The following HLCS variants were observed in gnomAD, a reference collection of about 807,000 sequenced individuals.
HLCS encodes the protein biotin--protein ligase.
A neutral mutation model predicts 75.0 loss-of-function variants in HLCS; 53 were observed. That is an observed-to-expected ratio of 0.71 (90% CI 0.57 to 0.89). HLCS has a LOEUF of 0.89. Ranked by LOEUF, HLCS falls within the 40% of genes least tolerant of loss-of-function variation. The pLI is 0.00. For missense variants in HLCS, 966 were observed against 1,074.0 expected (o/e 0.90, Z 1.41); for synonymous variants, 431 against 428.6 (o/e 1.01, Z -0.07).
chr21:36,834,898 AT>A (rs1569077622), intron 6 of HLCS, among the ~76,000 whole-genome samples: 1 of 152,226 alleles, frequency 6.6e-6, no homozygotes, highest in South Asian at 2.1e-4. Context: ...TCAAAAATAC[AT>A]TTTTAGGCTG....
intron 6 of HLCS, among the ~76,000 whole-genome samples, chr21:36,864,761 G>A (rs2063499771): frequency 6.6e-6 from 1 of 152,076 alleles, no homozygotes; most frequent in South Asian, 2.1e-4. Context: ...TTCTATAGAT[G>A]AATATTACTT....
chr21:36,813,390 G>C lies in HLCS; in HGVS notation c.1893-46105C>G, dbSNP rs1438730577. On this transcript the variant is annotated intron_variant, in intron 6 of 10. Coordinates refer to ENST00000674895, the MANE Select transcript of HLCS (RefSeq NM_001352514.2). ...CAGGTCAGTATGCCAATAGCAAGAA[G>C]ACTTGTTCTTGAAAGGTTGAGTTTT... 3.3e-5 allele frequency among the ~76,000 whole-genome samples: 5 copies of C among 152,308 alleles called. No homozygotes were observed. In the South Asian group the frequency reaches 8.3e-4, roughly 25 times the overall value.
intron 2 of HLCS, among the ~76,000 whole-genome samples, chr21:36,960,816 G>A (rs945650261): frequency 6.6e-6 from 1 of 152,194 alleles, no homozygotes; most frequent in Admixed American, 6.5e-5. Context: ...CAGACCTCCA[G>A]GAGCCTCAGG....
chr21:36,851,261 A>G (rs1000998838), intron 6 of HLCS, among the ~76,000 whole-genome samples: 2 of 152,226 alleles, frequency 1.3e-5, no homozygotes, highest in Non-Finnish European at 2.9e-5. Flanking sequence ...ACAGTAGCCA[A>G]GACCTGGGAG....
chr21:36,898,170 G>A (rs1007810507), intron 5 of HLCS, among the ~76,000 whole-genome samples: 2 of 152,116 alleles, frequency 1.3e-5, no homozygotes, highest in African/African-American at 2.4e-5. Context: ...TCAGGTCCGC[G>A]CGCAGTGGTT....
intron 6 of HLCS, among the ~76,000 whole-genome samples, chr21:36,833,872 T>C (rs2146061858): frequency 6.6e-6 from 1 of 151,970 alleles, no homozygotes; most frequent in East Asian, 1.9e-4. Context: ...TGGACGTGAG[T>C]TTTGGGAAGA....
Position 36,986,330 on chromosome 21 carries a change from T to C in HLCS, c.-393+3828A>G, listed in dbSNP as rs193287796. Among the ~76,000 whole-genome samples the C allele has an allele frequency of 1.6e-4, 25 of 152,372 alleles. No homozygotes were observed. In the East Asian group the frequency reaches 4.8e-3, roughly 29 times the overall value. ...ATAAATTACCCAGTCTCAGGTATTCTGTTACGGAAGCATAAAACAGACCAA... is the reference window on the plus strand; with the variant it reads ...ATAAATTACCCAGTCTCAGGTATTCCGTTACGGAAGCATAAAACAGACCAA... On this transcript the variant is annotated intron_variant, in intron 1 of 11. Coordinates refer to the HLCS transcript ENST00000336648.
chr21:36,826,136 A>C (rs933774996), intron 6 of HLCS, among the ~76,000 whole-genome samples: 26 of 152,200 alleles, frequency 1.7e-4, no homozygotes, highest in Admixed American at 1.1e-3. Context: ...CAAAATCCTC[A>C]ATTTTGTATT....
chr21:36,986,440 G>A (rs2069230968), intron 1 of HLCS, among the ~76,000 whole-genome samples: 1 of 152,200 alleles, frequency 6.6e-6, no homozygotes, highest in Non-Finnish European at 1.5e-5. Flanking sequence ...TGGTTTTTGA[G>A]ATGGAGTTTC....
At chr21:36,811,130 T>A (rs1569043106) in intron 6 of HLCS, among the ~76,000 whole-genome samples, 1 of 152,228 alleles carries the variant, frequency 6.6e-6, no homozygotes, top group Non-Finnish European at 1.5e-5. Context: ...CTAATTAACA[T>A]ATGTATTACC....
intron 6 of HLCS, among the ~76,000 whole-genome samples, chr21:36,881,958 G>A (rs1371387961): frequency 6.6e-6 from 1 of 152,136 alleles, no homozygotes; most frequent in Non-Finnish European, 1.5e-5. Context: ...AACCAAGATT[G>A]TGCCACTGCA....
At chr21:36,988,908 C>G (rs2069279637) in intron 1 of HLCS, among the ~76,000 whole-genome samples, 1 of 152,094 alleles carries the variant, frequency 6.6e-6, no homozygotes, top group Non-Finnish European at 1.5e-5. Context: ...TATTTACATA[C>G]TTGGGATCTT....
chr21:36,875,094 C>A (rs1416886508), intron 6 of HLCS, among the ~76,000 whole-genome samples: 1 of 152,116 alleles, frequency 6.6e-6, no homozygotes, highest in Non-Finnish European at 1.5e-5. Context: ...AGGAGGGAGA[C>A]CAGAGGACTA....
At chr21:36,783,817 GCACATACACACACA>G (rs1305670442) in intron 6 of HLCS, among the ~76,000 whole-genome samples, 1 of 141,778 alleles carries the variant, frequency 7.1e-6, no homozygotes, top group Non-Finnish European at 1.6e-5. Flanking sequence ...ACACACACAT[GCACATACACACACA>G]CACATACATG....
At chr21:36,980,467 A>G (rs1416890150) in intron 1 of HLCS, 1 of 152,198 alleles carries the variant, frequency 6.6e-6, no homozygotes, top group Non-Finnish European at 1.5e-5. Context: ...ATTCCTGTCT[A>G]TAAATAACTC....
At chr21:36,837,688 C>T (rs2062461274) in intron 6 of HLCS, among the ~76,000 whole-genome samples, 1 of 152,132 alleles carries the variant, frequency 6.6e-6, no homozygotes, top group Admixed American at 6.6e-5. Flanking sequence ...TAGTAAGATG[C>T]ACAGTGGTCA....
At chr21:36,768,970 G>A (rs931220273) in intron 6 of HLCS, among the ~76,000 whole-genome samples, 1 of 152,178 alleles carries the variant, frequency 6.6e-6, no homozygotes, top group Non-Finnish European at 1.5e-5. Flanking sequence ...GGCAGGGGCC[G>A]AGGGGATGAT....
chr21:36,756,304 G>A (rs1568959935), intron 10 of HLCS, among the ~76,000 whole-genome samples: 5 of 151,870 alleles, frequency 3.3e-5, no homozygotes, highest in South Asian at 4.2e-4. Flanking sequence ...CGGGTGTGGC[G>A]GCGGGCACCT....
At chr21:36,874,056 T>C (rs938449359) in intron 6 of HLCS, among the ~76,000 whole-genome samples, 1 of 152,242 alleles carries the variant, frequency 6.6e-6, no homozygotes, top group East Asian at 1.9e-4. Context: ...CTATGATTCA[T>C]CTCAAATCAA....
Sources: allele counts gnomAD v4.1 joint callset (sites outside exome capture counted in the v4.1 genomes callset), GRCh38; gene constraint gnomAD v4.1.1; transcripts MANE v1.5; gene names NCBI Gene and HGNC (gene_info 2026-07-23, HGNC 2026-07-21).